Variants in MARCHF2 observed in about 807,000 individuals in gnomAD.
The protein encoded by MARCHF2 is E3 ubiquitin-protein ligase MARCHF2.
A neutral mutation model predicts 24.0 loss-of-function variants in MARCHF2; 22 were observed. The observed-to-expected ratio is 0.92, with a 90% confidence interval of 0.66 to 1.31. The LOEUF (loss-of-function observed/expected upper bound fraction) is 1.31, where lower values mean the gene tolerates loss of function less well. Among genes scored for constraint, MARCHF2 ranks in the 50% most tolerant of loss-of-function variants. The pLI is 0.00. For missense variants in MARCHF2, 301 were observed against 335.3 expected (o/e 0.90, Z 0.80); for synonymous variants, 154 against 153.0 (o/e 1.01, Z -0.05).
chr19:8,436,926 G>A (rs1274564112), intron 4 of MARCHF2, among the ~76,000 whole-genome samples: 2 of 151,732 alleles, frequency 1.3e-5, no homozygotes, highest in African/African-American at 4.8e-5. Flanking sequence ...TGGACCTCAG[G>A]TGATCCACCC....
At chr19:8,415,097 C>G (rs1354078743) in intron 1 of MARCHF2, among the ~76,000 whole-genome samples, 1 of 152,190 alleles carries the variant, frequency 6.6e-6, no homozygotes, top group Non-Finnish European at 1.5e-5. Flanking sequence ...GTTGTGAAGA[C>G]TCAATGAGAT....
chr19:8,418,210 A>T (rs1967135692), intron 1 of MARCHF2, among the ~76,000 whole-genome samples: 1 of 152,112 alleles, frequency 6.6e-6, no homozygotes, highest in Admixed American at 6.6e-5. Flanking sequence ...GGTTGCAGGG[A>T]CTTGGGAGGG....
chr19:8,429,422 A>G (rs888498033), intron 3 of MARCHF2, among the ~76,000 whole-genome samples: 2 of 151,876 alleles, frequency 1.3e-5, no homozygotes, highest in African/African-American at 2.4e-5. Context: ...GTTCAAGACC[A>G]GCCTGGGCAA....
intron 1 of MARCHF2, among the ~76,000 whole-genome samples, chr19:8,416,792 C>T (rs568235313): frequency 6.6e-6 from 1 of 152,244 alleles, no homozygotes; most frequent in South Asian, 2.1e-4. Context: ...CTCTCAAACT[C>T]CTGGGCTCAA....
intron 1 of MARCHF2, among the ~76,000 whole-genome samples, chr19:8,419,078 G>A (rs1465947565): frequency 1.3e-5 from 2 of 152,026 alleles, no homozygotes; most frequent in South Asian, 2.1e-4. Flanking sequence ...ATTCTCTGCC[G>A]GGCCGGGTGC....
intron 1 of MARCHF2, chr19:8,418,454 CCT>C (rs973917355): frequency 6.5e-6 from 1 of 152,978 alleles, no homozygotes; most frequent in Admixed American, 6.6e-5. Flanking sequence ...TAATTGCTCC[CCT>C]GTTCCTTCAC....
chr19:8,429,103 G>A (rs532077929), intron 3 of MARCHF2, among the ~76,000 whole-genome samples: 227 of 139,828 alleles, frequency 1.6e-3, no homozygotes, highest in Non-Finnish European at 2.8e-3. Flanking sequence ...TGTCTAGGCC[G>A]CCTCCCCCTA....
chr19:8,418,948 G>A (rs1488194426), intron 1 of MARCHF2: 1 of 152,196 alleles, frequency 6.6e-6, no homozygotes, highest in African/African-American at 2.4e-5. Context: ...GGGGCTGCAG[G>A]GGCTCTGGAC....
rs1042265060 is a variant in MARCHF2 at position 8,430,579 on chromosome 19, G to A, written c.373-79G>A. ...AAGGAAAGGACAGAGGGAGGCCTAGGCCTGGAGGTCCTTACCCCTCCCCCT... is the reference window on the plus strand; with the variant it reads ...AAGGAAAGGACAGAGGGAGGCCTAGACCTGGAGGTCCTTACCCCTCCCCCT... On this transcript the variant is annotated intron_variant, in intron 3 of 4. Coordinates refer to ENST00000215555, the MANE Select transcript of MARCHF2 (RefSeq NM_001005415.2). The surrounding 1 kb of genome is among the most constrained non-coding windows in gnomAD (Gnocchi z 4.4). 5.3e-6 allele frequency: 6 copies of A among 1,142,256 alleles called. No homozygotes were observed. The highest frequency in any genetic ancestry group is 3.6e-5 in the Admixed American group (2 of 55,182). The allele number at this position is 1,142,256 out of a possible 1,614,324, so 70.8% of individuals were successfully genotyped here.
chr19:8,417,545 C>A (rs909583924), intron 1 of MARCHF2, among the ~76,000 whole-genome samples: 4 of 151,984 alleles, frequency 2.6e-5, no homozygotes, highest in Non-Finnish European at 5.9e-5. Context: ...TTAAGCGATT[C>A]TCCTGCCTCA....
At chr19:8,426,230 CAAAAAA>C (rs71175854) in intron 2 of MARCHF2, among the ~76,000 whole-genome samples, 2 of 43,296 alleles carry the variant, frequency 4.6e-5, no homozygotes, top group Admixed American at 3.4e-4. Context: ...GACTCTGTCT[CAAAAAA>C]AAAAAAAAAA....
At position 8,430,981 on chromosome 19, in the gene MARCHF2, A is replaced by T; in HGVS notation, c.582+114A>T. 9.2e-7 allele frequency: 1 copy of T among 1,081,574 alleles called. No homozygotes were observed. Among genetic ancestry groups the T allele is most frequent in the African/African-American group, 1.6e-5 (1 of 63,796 alleles). 67.0% of individuals were successfully genotyped at this position (1,081,574 alleles called of 1,614,324 possible). On this transcript the variant is annotated intron_variant, in intron 4 of 4. Transcript: ENST00000215555. The surrounding 1 kb of genome is among the most constrained non-coding windows in gnomAD (Gnocchi z 4.4). ...CGGGGCTCCCTGGCTGCCTCTGTCTATGGCCGTGGGTGGAAGAGAGCTTCT... is the reference window on the plus strand; with the variant it reads ...CGGGGCTCCCTGGCTGCCTCTGTCTTTGGCCGTGGGTGGAAGAGAGCTTCT...
At chr19:8,436,070 G>A (rs1290839506) in intron 4 of MARCHF2, among the ~76,000 whole-genome samples, 1 of 151,986 alleles carries the variant, frequency 6.6e-6, no homozygotes, top group Non-Finnish European at 1.5e-5. Flanking sequence ...ATGTTGCCCA[G>A]GCTAGGAGTT....
chr19:8,429,998 A>G (rs549030865), intron 3 of MARCHF2, among the ~76,000 whole-genome samples: 1 of 151,814 alleles, frequency 6.6e-6, no homozygotes, highest in Middle Eastern at 3.2e-3. Flanking sequence ...CAGTTTCCCC[A>G]TCTGTAAAAT....
intron 3 of MARCHF2, among the ~76,000 whole-genome samples, chr19:8,427,047 CT>C (rs1967424489): frequency 2.0e-5 from 3 of 151,922 alleles, no homozygotes; most frequent in Admixed American, 2.0e-4. Context: ...CTTCTTCTTC[CT>C]TCTCCTTCTT....
chr19:8,434,056 T>C (rs1005253418), intron 4 of MARCHF2, among the ~76,000 whole-genome samples: 40 of 151,336 alleles, frequency 2.6e-4, no homozygotes, highest in Non-Finnish European at 4.1e-4. Flanking sequence ...TCACAAAGTA[T>C]TTTTCAATGA....
At position 8,438,603 on chromosome 19, in the gene MARCHF2, G is replaced by C; in HGVS notation, c.*57G>C. 6.4e-7 allele frequency: 1 copy of C among 1,570,412 alleles called. No individual in the cohort carries two copies. Among genetic ancestry groups the C allele is most frequent in the Non-Finnish European group, 8.7e-7 (1 of 1,154,330 alleles). ...GGCCAGAGGTAGCTGGTGATACCCT[G>C]TCCTGTGGAAGGACTTCCACTTCAA... On this transcript the variant is annotated 3_prime_UTR_variant, in exon 5 of 5. Transcript: ENST00000215555.
At chr19:8,422,130 T>G in intron 2 of MARCHF2, 114 bp downstream of exon 2, 1 of 1,113,102 alleles carries the variant, frequency 9.0e-7, no homozygotes, top group Non-Finnish European at 1.2e-6. Flanking sequence ...GCCAAGTGGG[T>G]AAATAGAGAA....
intron 4 of MARCHF2, among the ~76,000 whole-genome samples, chr19:8,435,835 T>C (rs1168843287): frequency 1.4e-5 from 2 of 138,176 alleles, no homozygotes; most frequent in African/African-American, 6.0e-5. Flanking sequence ...GGCCTGTGTG[T>C]GTGTGTGTGT....
Sources: gnomAD v4.1 joint callset for allele counts (sites outside exome capture counted in the v4.1 genomes callset) on GRCh38, gnomAD v4.1.1 for gene constraint, Gnocchi (gnomAD v3.1) non-coding constraint, MANE v1.5 for transcripts, NCBI Gene and HGNC (gene_info 2026-07-23, HGNC 2026-07-21) for gene names.